Variants in MGST1 observed in about 807,000 individuals in gnomAD.
MGST1 encodes the protein microsomal glutathione S-transferase 1, also known as glutathione S-transferase 12.
MGST1 carries 5 observed loss-of-function variants against 8.9 expected under a neutral mutation model. The observed-to-expected ratio is 0.56, with a 90% CI of 0.29 to 1.19. The LOEUF is 1.19. Among genes scored for constraint, MGST1 ranks in the 50% most tolerant of loss-of-function variants. MGST1 has a pLI of 0.08. For missense variants in MGST1, 182 were observed against 187.4 expected, an observed-to-expected ratio of 0.97 and a Z score of 0.17; for synonymous variants, 54 against 67.8, an observed-to-expected ratio of 0.80 and a Z score of 1.00.
chr12:16,501,735 T>A (rs1941507146), intron 4 of MGST1, among the ~76,000 whole-genome samples: 1 of 152,228 alleles, frequency 6.6e-6, no homozygotes. Context: ...AAATGCCTAA[T>A]AACTATGCAG....
chr12:16,376,386 A>C (rs923730959), exon 4 of MGST1: 7 of 339,740 alleles, frequency 2.1e-5, no homozygotes, highest in Non-Finnish European at 3.7e-5. Context: ...GTGGACAAAA[A>C]CACTGACAAA....
intron 4 of MGST1, among the ~76,000 whole-genome samples, chr12:16,568,068 AC>A (rs1184782840): frequency 1.3e-5 from 2 of 152,224 alleles, no homozygotes; most frequent in East Asian, 3.9e-4. Flanking sequence ...TACACTGGCA[AC>A]AATAGAAAAT....
rs1321350032 is a variant in MGST1 at position 16,414,618 on chromosome 12, T to C, written n.779-22770T>C. On this transcript the variant is annotated intron_variant and non_coding_transcript_variant, in intron 1 of 1. Coordinates refer to the MGST1 transcript ENST00000359720. The stretch of plus-strand genomic sequence containing the variant: ...TTTTAGTAGAGACGGGGTTTCATCA[T>C]GTTAGCCAGGATAGTCTCCATCTCC... 2.0e-5 allele frequency among the ~76,000 whole-genome samples: 3 copies of C among 151,876 alleles called. No individual in the cohort carries two copies. The East Asian group carries it at 5.9e-4, about 30-fold the overall frequency.
In MGST1 at chr12:16,513,913, G is replaced by A; in HGVS notation, n.483-75615G>A. ...CAGGGATACTGGCATGCAGCTACAA[G>A]GTTATCGATACTATGACCGCAAGAC... On this transcript the variant is annotated intron_variant and non_coding_transcript_variant, in intron 4 of 4. Transcript: ENST00000538857. This position sits in a 1 kb window ranked among gnomAD's most constrained non-coding sequence, Gnocchi z 4.2. 1.7e-6 allele frequency: 1 copy of A among 584,826 alleles called. No homozygotes were observed. The highest frequency in any genetic ancestry group is 2.1e-5 in the Admixed American group (1 of 46,786). 36.2% of individuals were successfully genotyped at this position (584,826 alleles called of 1,614,324 possible). A position where few individuals can be genotyped will look rare whatever the true frequency, so the allele number is the denominator to read the frequency against.
intron 1 of MGST1, among the ~76,000 whole-genome samples, chr12:16,434,561 A>G (rs1372233904): frequency 1.3e-5 from 2 of 151,942 alleles, no homozygotes; most frequent in Non-Finnish European, 2.9e-5. Context: ...TGACTTGGTA[A>G]GTCCCTAGAT....
At chr12:16,357,382 C>A in intron 2 of MGST1, 2 of 409,942 alleles carry the variant, frequency 4.9e-6, no homozygotes, top group South Asian at 8.5e-5. Flanking sequence ...ACCTCAACCT[C>A]CTGAGTAGCT....
Position 16,410,606 on chromosome 12 carries a change from T to G in MGST1, n.779-26782T>G, listed in dbSNP as rs1053271950. Among the ~76,000 whole-genome samples the G allele has an allele frequency of 2.0e-5, 3 of 148,308 alleles. No individual in the cohort carries two copies. The highest frequency in any genetic ancestry group is 7.3e-5 in the African/African-American group (3 of 40,842). ...TTACACATACATATTAATGTTTATA[T>G]ATTACATATAAATATTAATATATGT... is the stretch of plus-strand genomic sequence containing the variant. On this transcript the variant is annotated intron_variant and non_coding_transcript_variant, in intron 1 of 1. Coordinates refer to the MGST1 transcript ENST00000359720. The surrounding 1 kb of genome is among the most constrained non-coding windows in gnomAD (Gnocchi z 4.4).
downstream of MGST1, among the ~76,000 whole-genome samples, chr12:16,366,668 CACACACACAT>C (rs1940197785): frequency 9.7e-6 from 1 of 102,702 alleles, no homozygotes; most frequent in East Asian, 4.8e-4. The surrounding 1 kb of genome is among the most constrained non-coding windows in gnomAD (Gnocchi z 4.0). Context: ...CACACACATA[CACACACACAT>C]ACTACCATCA....
At chr12:16,493,338 CAA>C (rs1007062664) in intron 4 of MGST1, among the ~76,000 whole-genome samples, 2 of 152,066 alleles carry the variant, frequency 1.3e-5, no homozygotes, top group African/African-American at 4.8e-5. Flanking sequence ...CCATGTTTCT[CAA>C]AGTGTGATCT....
At chr12:16,428,254 G>A (rs534166056) in intron 1 of MGST1, among the ~76,000 whole-genome samples, 72 of 150,948 alleles carry the variant, frequency 4.8e-4, no homozygotes, top group African/African-American at 1.5e-3. Context: ...CTATATTTTG[G>A]CTTATTTTCA....
rs1328390791 is a variant in MGST1 at position 16,361,177 on chromosome 12, A to G, written c.222-2618A>G. Among the ~76,000 whole-genome samples, 1 of 152,192 alleles carries G rather than the reference A, an allele frequency of 6.6e-6. No homozygotes were observed. The highest frequency in any genetic ancestry group is 1.5e-5 in the Non-Finnish European group (1 of 68,044). On this transcript the variant is annotated intron_variant, in intron 3 of 3. Coordinates refer to ENST00000396210, the MANE Select transcript of MGST1 (RefSeq NM_020300.5). This position sits in a 1 kb window ranked among gnomAD's most constrained non-coding sequence, Gnocchi z 4.2. ...TGAGAATGTGAACACATGGCTGGCTATGTGCTGAGGGTGAAGAGCTTTGGC... is the reference window on the plus strand; with the variant it reads ...TGAGAATGTGAACACATGGCTGGCTGTGTGCTGAGGGTGAAGAGCTTTGGC...
chr12:16,382,611 G>T (rs1940467300), upstream of MGST1, among the ~76,000 whole-genome samples: 1 of 152,194 alleles, frequency 6.6e-6, no homozygotes, highest in Non-Finnish European at 1.5e-5. Flanking sequence ...GAGGCAGTCT[G>T]CCCGTTCTCA....
intron 4 of MGST1, among the ~76,000 whole-genome samples, chr12:16,538,670 G>A (rs1017682765): frequency 6.7e-6 from 1 of 148,490 alleles, no homozygotes; most frequent in African/African-American, 2.5e-5. Context: ...GTGCCGTGGC[G>A]AGATCTCGGC....
chr12:16,577,985 C>G (rs1943045587), intron 4 of MGST1, among the ~76,000 whole-genome samples: 1 of 152,122 alleles, frequency 6.6e-6, no homozygotes, highest in Non-Finnish European at 1.5e-5. Flanking sequence ...TTTTGTCTGG[C>G]AACACTACAA....
At chr12:16,402,425 C>G in intron 1 of MGST1, 1 of 1,603,908 alleles carries the variant, frequency 6.2e-7, no homozygotes, top group Non-Finnish European at 8.5e-7. Flanking sequence ...AGCCATAGCC[C>G]TGGACGCCGC....
chr12:16,512,679 T>C (rs1469317996), intron 4 of MGST1, among the ~76,000 whole-genome samples: 1 of 152,200 alleles, frequency 6.6e-6, no homozygotes, highest in East Asian at 1.9e-4. Flanking sequence ...TCAGGTCCCC[T>C]AATATGGACT....
chr12:16,526,123 T>C (rs1472074189), intron 4 of MGST1, among the ~76,000 whole-genome samples: 1 of 148,800 alleles, frequency 6.7e-6, no homozygotes, highest in African/African-American at 2.5e-5. Flanking sequence ...TAGTTTCTTT[T>C]GCTGTGCAGA....
At chr12:16,495,422 C>A (rs1204609499) in intron 4 of MGST1, among the ~76,000 whole-genome samples, 1 of 151,884 alleles carries the variant, frequency 6.6e-6, no homozygotes, top group Non-Finnish European at 1.5e-5. Flanking sequence ...GCACAATATA[C>A]CCAGGAAACA....
chr12:16,391,201 G>A (rs1397975243), intron 1 of MGST1, among the ~76,000 whole-genome samples: 1 of 146,656 alleles, frequency 6.8e-6, no homozygotes, highest in Admixed American at 6.9e-5. Flanking sequence ...GAGCAGGTTT[G>A]TTATGTAGGT....
Sources: gnomAD v4.1 joint callset for allele counts (sites outside exome capture counted in the v4.1 genomes callset) on GRCh38, gnomAD v4.1.1 for gene constraint, Gnocchi (gnomAD v3.1) non-coding constraint, MANE v1.5 for transcripts, NCBI Gene and HGNC (gene_info 2026-07-23, HGNC 2026-07-21) for gene names.